The following ATP10B variants were observed in gnomAD, a reference collection of about 807,000 sequenced individuals.
ATP10B encodes the protein ATPase phospholipid transporting 10B (putative).
Under a neutral mutation model 141.2 loss-of-function variants are expected in ATP10B, and 122 were observed. The observed-to-expected ratio is 0.86, with a 90% confidence interval of 0.75 to 1.00. ATP10B has a LOEUF of 1.00. ATP10B is among the 50% of genes least tolerant of loss of function. The pLI is 0.00. For synonymous variants in ATP10B, 685 were observed against 692.0 expected (o/e 0.99, Z 0.16); for missense variants, 1,876 against 1,825.3 (o/e 1.03, Z -0.51).
chr5:160,664,625 A>G (rs1762207905), intron 7 of ATP10B, among the ~76,000 whole-genome samples: 1 of 152,200 alleles, frequency 6.6e-6, no homozygotes, highest in Non-Finnish European at 1.5e-5. Context: ...ATTCTGGTTC[A>G]GTCTGGGATG....
chr5:160,601,660 A>G (rs1757104728), intron 21 of ATP10B, among the ~76,000 whole-genome samples: 1 of 152,230 alleles, frequency 6.6e-6, no homozygotes, highest in South Asian at 2.1e-4. Flanking sequence ...TATGTTTTTC[A>G]GAGCTCTGAC....
At chr5:160,815,591 A>C (rs560462726) in intron 1 of ATP10B, among the ~76,000 whole-genome samples, 4 of 152,322 alleles carry the variant, frequency 2.6e-5, no homozygotes, top group Non-Finnish European at 4.4e-5. Context: ...CACTGACAAC[A>C]TTAGACAGAT....
chr5:160,603,020 C>T, intron 20 of ATP10B: 1 of 204,056 alleles, frequency 4.9e-6, no homozygotes, highest in East Asian at 1.2e-4. Context: ...GATGGTTAAC[C>T]AGAGAGAAGG....
chr5:160,740,869 A>G (rs1288394060), intron 2 of ATP10B, among the ~76,000 whole-genome samples: 1 of 152,082 alleles, frequency 6.6e-6, no homozygotes, highest in Non-Finnish European at 1.5e-5. Context: ...TCCCCAACCT[A>G]TTGTCAATCT....
intron 1 of ATP10B, among the ~76,000 whole-genome samples, chr5:160,799,543 A>C (rs1251680448): frequency 6.6e-6 from 1 of 152,198 alleles, no homozygotes; most frequent in Non-Finnish European, 1.5e-5. Flanking sequence ...CATTGGTATG[A>C]AAAGTGCTTA....
chr5:160,824,904 A>T (rs1462223605), intron 1 of ATP10B, among the ~76,000 whole-genome samples: 1 of 152,134 alleles, frequency 6.6e-6, no homozygotes, highest in East Asian at 1.9e-4. Context: ...TGGGCAAGCC[A>T]CCTTCTCTCC....
the ATP10B span, among the ~76,000 whole-genome samples, chr5:160,898,496 C>T: frequency 6.6e-6 from 1 of 152,182 alleles, no homozygotes; most frequent in African/African-American, 2.4e-5. Flanking sequence ...CAGGAAACAA[C>T]AGATGCTGGA....
At chr5:160,633,255 G>A (rs548451081) in intron 12 of ATP10B, 1 of 152,318 alleles carries the variant, frequency 6.6e-6, no homozygotes, top group East Asian at 1.9e-4. Flanking sequence ...AAAGACACAT[G>A]CACATGTAAG....
chr5:160,883,099 A>G, the ATP10B span, among the ~76,000 whole-genome samples: 1 of 152,248 alleles, frequency 6.6e-6, no homozygotes, highest in Non-Finnish European at 1.5e-5. Flanking sequence ...TCAAGTCCTG[A>G]TAAAGTAGGT....
intron 1 of ATP10B, among the ~76,000 whole-genome samples, chr5:160,812,390 C>T (rs1409497752): frequency 1.3e-5 from 2 of 151,972 alleles, no homozygotes; most frequent in African/African-American, 4.8e-5. Context: ...AAAACATGAC[C>T]TCACTAAATG....
chr5:160,604,029 T>C lies in ATP10B; in HGVS notation c.3173A>G (p.Asn1058Ser). ...AGCAGCTTGAATCATGCTTACATCA[T>C]TTGCTCCATCACCTGAAAGAGAGGT... ...VMTLSIGDGA[N>S]DVSMIQAADI... is the part of the protein sequence containing the mutation. The change falls in exon 20 of 26, where the codon AAT (asparagine) becomes AGT (serine). Residue 1058 changes from asparagine (N) to serine (S), a missense_variant. Coordinates refer to ENST00000327245, the MANE Select transcript of ATP10B (RefSeq NM_025153.3). The C allele has an allele frequency of 6.2e-7, 1 of 1,613,936 alleles. No homozygotes were observed. Among genetic ancestry groups the C allele is most frequent in the Non-Finnish European group, 8.5e-7 (1 of 1,179,922 alleles).
intron 6 of ATP10B, among the ~76,000 whole-genome samples, chr5:160,673,909 T>A (rs1002108681): frequency 6.6e-6 from 1 of 152,222 alleles, no homozygotes; most frequent in African/African-American, 2.4e-5. Context: ...ACTGGTTTTC[T>A]TTTTTCTTTT....
At chr5:160,784,653 T>C (rs560927317) in intron 2 of ATP10B, among the ~76,000 whole-genome samples, 82 of 152,278 alleles carry the variant, frequency 5.4e-4, no homozygotes, top group Admixed American at 1.3e-3. Context: ...TTGGGTTTTA[T>C]ATCTAGAGTC....
intron 22 of ATP10B, among the ~76,000 whole-genome samples, chr5:160,597,745 A>T (rs1216130726): frequency 6.6e-6 from 1 of 152,244 alleles, no homozygotes; most frequent in East Asian, 1.9e-4. Context: ...GGACATGAAC[A>T]GATACTTCTC....
the ATP10B span, among the ~76,000 whole-genome samples, chr5:160,924,779 A>ATT: frequency 1.5e-4 from 23 of 152,228 alleles, no homozygotes; most frequent in African/African-American, 5.3e-4. Flanking sequence ...ATATCAACAG[A>ATT]TTTAAGCCAG....
chr5:160,832,622 G>A (rs969744144), intron 1 of ATP10B, among the ~76,000 whole-genome samples: 6 of 152,130 alleles, frequency 3.9e-5, no homozygotes, highest in Non-Finnish European at 8.8e-5. Flanking sequence ...CTTCTAGAAT[G>A]TAGACTGCTC....
At chr5:160,784,454 T>A (rs1334472068) in intron 2 of ATP10B, among the ~76,000 whole-genome samples, 1 of 152,220 alleles carries the variant, frequency 6.6e-6, no homozygotes, top group Admixed American at 6.5e-5. Flanking sequence ...GCAGTTGGTA[T>A]CTGCGGAGTT....
intron 3 of ATP10B, among the ~76,000 whole-genome samples, chr5:160,694,796 C>T (rs1002351070): frequency 1.7e-4 from 26 of 152,302 alleles, no homozygotes; most frequent in Non-Finnish European, 3.2e-4. Context: ...TCTGCCTGAG[C>T]TTACATTAGG....
chr5:160,677,529 C>T (rs560245077), intron 6 of ATP10B, among the ~76,000 whole-genome samples: 1 of 152,258 alleles, frequency 6.6e-6, no homozygotes, highest in East Asian at 1.9e-4. Flanking sequence ...AGCTTGGAGT[C>T]GAGTTCTATG....
Sources: allele counts gnomAD v4.1 joint callset (sites outside exome capture counted in the v4.1 genomes callset), GRCh38; gene constraint gnomAD v4.1.1; transcripts MANE v1.5; gene names NCBI Gene and HGNC (gene_info 2026-07-23, HGNC 2026-07-21).